The following ZDHHC15 variants were observed in gnomAD, a reference collection of about 807,000 sequenced individuals.
ZDHHC15 encodes zDHHC palmitoyltransferase 15, also known as palmitoyltransferase ZDHHC15.
Under a neutral mutation model 31.7 loss-of-function variants are expected in ZDHHC15, and 19 were observed. The ratio of observed to expected loss-of-function variants is 0.60; its 90% CI spans 0.42 to 0.88. ZDHHC15 has a LOEUF of 0.88. Among genes scored for constraint, ZDHHC15 ranks in the 40% least tolerant of loss-of-function variants. The pLI is 0.00. For synonymous variants in ZDHHC15, 103 were observed against 90.0 expected (o/e 1.14, Z -0.82); for missense variants, 209 against 251.2 (o/e 0.83, Z 1.14).
At position 75,417,102 on chromosome X, in the gene ZDHHC15, C is replaced by T. The variant is rs1174506812; in HGVS notation, c.952G>A (p.Glu318Lys). 8.3e-6 allele frequency: 10 copies of T among 1,205,447 alleles called. No homozygotes were observed. The highest frequency in any genetic ancestry group is 2.2e-5 in the Admixed American group (1 of 45,586). ...LANEETWEDN[E>K]DDNQDYPEGS... ...CCCCACTTACCTTGGTTGTCATCCT[C>T]GTTGTCTTCCCAGGTTTCTTCATTT... Residue 318 changes from glutamate (E) to lysine (K), a missense_variant, in exon 10 of 12, where the codon GAG (glutamate) becomes AAG (lysine). Physicochemically the swap from Glu to Lys is moderately conservative, Grantham distance 56 (BLOSUM62 1). Transcript: ENST00000373367.
intron 10 of ZDHHC15, among the ~76,000 whole-genome samples, chrX:75,393,981 T>C: frequency 9.0e-6 from 1 of 110,880 alleles, no homozygotes; most frequent in Non-Finnish European, 1.9e-5. Context: ...GCTTATATTC[T>C]AGCTGTGCTG....
At chrX:75,418,599 T>C (rs1363962261) in intron 9 of ZDHHC15, among the ~76,000 whole-genome samples, 1 of 111,929 alleles carries the variant, frequency 8.9e-6, no homozygotes, top group Admixed American at 9.5e-5. Flanking sequence ...AATAGCATGG[T>C]ACTGATATGA....
In ZDHHC15 at chrX:75,368,687, A is replaced by C. The variant is rs962355753; in HGVS notation, c.*4291T>G. 9.0e-5 allele frequency: 10 copies of C among 111,686 alleles called. No individual in the cohort carries two copies. Among genetic ancestry groups the C allele is most frequent in the Non-Finnish European group, 1.9e-4 (10 of 53,125 alleles). The allele number at this position is 111,686 out of a possible 1,213,427, so 9.2% of individuals were successfully genotyped here. ...ATGTTCCTTCACTGATTAAGCCAGC[A>C]GAGTGAAAGTAATTATTCCTTGAAT... On this transcript the variant is annotated 3_prime_UTR_variant, in exon 12 of 12. Coordinates refer to ENST00000373367, the MANE Select transcript of ZDHHC15 (RefSeq NM_144969.3).
intron 1 of ZDHHC15, 49 bp from the exon 2 acceptor site, chrX:75,505,896 TGAGA>T (rs761788572): frequency 1.5e-4 from 154 of 1,008,380 alleles, no homozygotes; most frequent in Non-Finnish European, 1.9e-4. Context: ...CAGAGATGGA[TGAGA>T]GAGAGAGAGA....
intron 3 of ZDHHC15, among the ~76,000 whole-genome samples, chrX:75,477,009 C>G (rs975517012): frequency 8.1e-5 from 9 of 111,255 alleles, no homozygotes; most frequent in African/African-American, 2.9e-4. Context: ...AATGAAGGTA[C>G]TTACAGCCAT....
At chrX:75,405,440 C>T (rs1211045376) in intron 10 of ZDHHC15, among the ~76,000 whole-genome samples, 1 of 111,199 alleles carries the variant, frequency 9.0e-6, no homozygotes, top group African/African-American at 3.3e-5. Flanking sequence ...TCTATTTCAC[C>T]TATAAAGACA....
At chrX:75,388,727 T>C (rs2083208020) in intron 10 of ZDHHC15, among the ~76,000 whole-genome samples, 1 of 111,679 alleles carries the variant, frequency 9.0e-6, no homozygotes, top group Admixed American at 9.5e-5. Context: ...AGTCCTTACT[T>C]GCCAATAACA....
intron 9 of ZDHHC15, among the ~76,000 whole-genome samples, chrX:75,417,952 T>C (rs901735741): frequency 1.8e-5 from 2 of 112,319 alleles, no homozygotes; most frequent in African/African-American, 6.5e-5. Flanking sequence ...ATGTATGTGG[T>C]AAATTGAAAT....
At chrX:75,402,316 A>G (rs192544229) in intron 10 of ZDHHC15, among the ~76,000 whole-genome samples, 6 of 111,851 alleles carry the variant, frequency 5.4e-5, no homozygotes, top group Admixed American at 4.7e-4. Flanking sequence ...ACAACCTAAC[A>G]TAACAACTGA....
chrX:75,408,351 C>T (rs1345893954), intron 10 of ZDHHC15, among the ~76,000 whole-genome samples: 3 of 111,676 alleles, frequency 2.7e-5, no homozygotes, highest in East Asian at 5.6e-4. Context: ...AGAAAAAAAG[C>T]ACATGATTAT....
At chrX:75,465,035 T>C (rs1371748028) in intron 3 of ZDHHC15, among the ~76,000 whole-genome samples, 1 of 112,171 alleles carries the variant, frequency 8.9e-6, no homozygotes, top group Non-Finnish European at 1.9e-5. Context: ...GCACATGACA[T>C]GATCCTATAT....
At chrX:75,513,526 A>G (rs995647376) in intron 1 of ZDHHC15, among the ~76,000 whole-genome samples, 4 of 111,350 alleles carry the variant, frequency 3.6e-5, no homozygotes, top group African/African-American at 1.3e-4. Flanking sequence ...GCTGCCTACC[A>G]TCCTCCACAT....
chrX:75,438,761 A>G (rs1216291371), intron 4 of ZDHHC15, among the ~76,000 whole-genome samples: 7 of 111,418 alleles, frequency 6.3e-5, no homozygotes, highest in Non-Finnish European at 3.8e-5. Flanking sequence ...TGTGAGATTT[A>G]TGCTTTAAGG....
intron 3 of ZDHHC15, among the ~76,000 whole-genome samples, chrX:75,475,600 C>T (rs2084591813): frequency 8.9e-6 from 1 of 111,812 alleles, no homozygotes; most frequent in African/African-American, 3.3e-5. Context: ...ATGCTAGTAC[C>T]ACATTGTTTT....
intron 1 of ZDHHC15, among the ~76,000 whole-genome samples, chrX:75,517,527 A>G (rs1400658613): frequency 1.0e-5 from 1 of 98,177 alleles, no homozygotes; most frequent in Admixed American, 1.2e-4. Flanking sequence ...CATAGGTGCG[A>G]ATTGAACAAT....
At chrX:75,516,496 T>C (rs2085358892) in intron 1 of ZDHHC15, among the ~76,000 whole-genome samples, 2 of 112,705 alleles carry the variant, frequency 1.8e-5, no homozygotes, top group African/African-American at 6.4e-5. Context: ...AAGGATTCCC[T>C]ATTTAATAAA....
At chrX:75,385,884 C>A (rs1462234024) in intron 10 of ZDHHC15, among the ~76,000 whole-genome samples, 1 of 111,579 alleles carries the variant, frequency 9.0e-6, no homozygotes, top group East Asian at 2.8e-4. Flanking sequence ...AATAATGTAT[C>A]CTGTATTGTG....
chrX:75,397,485 A>T (rs1442485962), intron 10 of ZDHHC15, among the ~76,000 whole-genome samples: 2 of 111,311 alleles, frequency 1.8e-5, no homozygotes, highest in African/African-American at 6.5e-5. Flanking sequence ...CTGTATTAAG[A>T]TATCTCATAT....
intron 1 of ZDHHC15, among the ~76,000 whole-genome samples, chrX:75,513,455 G>A (rs2148065964): frequency 9.0e-6 from 1 of 111,345 alleles, no homozygotes; most frequent in East Asian, 2.8e-4. Context: ...CAGAGAGGAA[G>A]ACTTGGTGAA....
Sources: allele counts gnomAD v4.1 joint callset (sites outside exome capture counted in the v4.1 genomes callset), GRCh38; gene constraint gnomAD v4.1.1; transcripts MANE v1.5; gene names NCBI Gene and HGNC (gene_info 2026-07-23, HGNC 2026-07-21).